SPATA2: variants seen among roughly 807,000 people sequenced by gnomAD.
SPATA2 encodes spermatogenesis associated 2, also known as spermatogenesis-associated protein 2.
A neutral mutation model predicts 35.4 loss-of-function variants in SPATA2; 8 were observed. The observed-to-expected ratio is 0.23, with a 90% CI of 0.13 to 0.41. The LOEUF (loss-of-function observed/expected upper bound fraction) is 0.41. Ranked by LOEUF, SPATA2 falls within the 10% of genes least tolerant of loss-of-function variation. SPATA2 has a pLI of 1.00. For synonymous variants in SPATA2, 293 were observed against 300.9 expected (o/e 0.97, Z 0.27); for missense variants, 650 against 698.7 (o/e 0.93, Z 0.79).
rs1032829726 is a variant in SPATA2, at chr20:49,905,924, G to A, written c.1258C>T (p.His420Tyr). 3.1e-6 allele frequency: 5 copies of A among 1,611,684 alleles called. No homozygotes were observed. Among genetic ancestry groups the A allele is most frequent in the Non-Finnish European group, 4.2e-6 (5 of 1,179,998 alleles). Residue 420 changes from histidine to tyrosine, a missense_variant, in exon 3 of 3, where the codon CAT (histidine) becomes TAT (tyrosine). Physicochemically the swap from His to Tyr is moderately conservative, Grantham distance 83. Coordinates refer to ENST00000289431, the MANE Select transcript of SPATA2 (RefSeq NM_006038.4). ...PSAFPSKAST[H>Y]DSLAHGASLR... ...GATGCCCCGTGGGCCAGGCTGTCAT[G>A]AGTCGAGGCCTTGCTGGGGAAGGCG...
intron 1 of SPATA2, among the ~76,000 whole-genome samples, chr20:49,913,904 G>C (rs933833265): frequency 9.2e-5 from 14 of 151,896 alleles, no homozygotes; most frequent in Non-Finnish European, 1.9e-4. Context: ...CACTCTGCAA[G>C]AACAACAAAA....
intron 1 of SPATA2, chr20:49,913,749 G>A (rs746572050): frequency 2.6e-5 from 4 of 152,208 alleles, no homozygotes; most frequent in Non-Finnish European, 4.4e-5. Context: ...CAAGGGCCAA[G>A]GAAAGAGGCT....
At position 49,908,090 on chromosome 20, in the gene SPATA2, G is replaced by A. The variant is rs2090158966; in HGVS notation, c.336+65C>T. 2.0e-6 allele frequency: 3 copies of A among 1,472,056 alleles called. No individual in the cohort carries two copies. The African/African-American group carries it at 4.2e-5, about 21-fold the overall frequency. The allele number at this position is 1,472,056 out of a possible 1,614,324, so 91.2% of individuals were successfully genotyped here. On this transcript the variant is annotated intron_variant, in intron 2 of 2. Coordinates refer to ENST00000289431, the MANE Select transcript of SPATA2 (RefSeq NM_006038.4). Reference sequence around the variant, plus strand: ...GGGATCAGACTGGCATAGCCTCTCAGGAGGGACTGCCAGGGGCAGGAAGAG... The same window carrying A: ...GGGATCAGACTGGCATAGCCTCTCAAGAGGGACTGCCAGGGGCAGGAAGAG...
At position 49,906,304 on chromosome 20, in the gene SPATA2, CGGATGATCTCATCCTTGA is replaced by C; in HGVS notation, c.860_877del (p.Leu287_Ile292del). On this transcript the variant is annotated inframe_deletion, in exon 3 of 3. Coordinates refer to ENST00000289431, the MANE Select transcript of SPATA2 (RefSeq NM_006038.4). This position sits in a 1 kb window ranked among gnomAD's most constrained non-coding sequence, Gnocchi z 8.2. ...CATGGTCAGCAGCGAAGGGGATGGG[CGGATGATCTCATCCTTGA>C]GGTCGTCCCCCACATCCGTTGCCAC... The C allele has an allele frequency of 1.3e-6, 2 of 1,590,356 alleles. No homozygotes were observed. The highest frequency in any genetic ancestry group is 1.7e-6 in the Non-Finnish European group (2 of 1,167,052).
Position 49,905,534 on chromosome 20 carries a change from G to T in SPATA2, c.*85C>A. ...TGGTCAAGTGCAGGCCTCCGCCTCT[G>T]AGATCAATGCGTTAGTACTTCTTCA... On this transcript the variant is annotated 3_prime_UTR_variant, in exon 3 of 3. Transcript: ENST00000289431. 1 of 1,484,322 alleles carries T rather than the reference G, an allele frequency of 6.7e-7. No individual in the cohort carries two copies. Among genetic ancestry groups the T allele is most frequent in the Non-Finnish European group, 9.2e-7 (1 of 1,087,186 alleles). The allele number at this position is 1,484,322 out of a possible 1,614,324, so 91.9% of individuals were successfully genotyped here. A position where few individuals can be genotyped will look rare whatever the true frequency, so the allele number is the denominator to read the frequency against.
At chr20:49,912,694 C>T (rs746473705) in intron 1 of SPATA2, among the ~76,000 whole-genome samples, 26 of 152,102 alleles carry the variant, frequency 1.7e-4, no homozygotes, top group African/African-American at 2.4e-5. Context: ...CTCGGCTCAG[C>T]GTCTGCTGCT....
At position 49,906,837 on chromosome 20, in the gene SPATA2, C is replaced by T. The variant is rs768307240; in HGVS notation, c.345G>A (p.Thr115=). 4.5e-5 allele frequency: 72 copies of T among 1,608,170 alleles called. No homozygotes were observed. Among genetic ancestry groups the T allele is most frequent in the Admixed American group, 1.3e-4 (8 of 59,680 alleles). The part of the protein sequence containing the change: ...KKEFRSIKTY[T]GPFVYYVKST... ...ACTTGACATAATAAACAAAAGGGCCCGTGTAGGTCTAGAAGGGAGGGAGTA... is the reference window on the plus strand; with the variant it reads ...ACTTGACATAATAAACAAAAGGGCCTGTGTAGGTCTAGAAGGGAGGGAGTA... Residue 115 remains threonine, a synonymous_variant, in exon 3 of 3, where the codon ACG becomes ACA. Coordinates refer to ENST00000289431, the MANE Select transcript of SPATA2 (RefSeq NM_006038.4). The surrounding 1 kb of genome is among the most constrained non-coding windows in gnomAD (Gnocchi z 8.2).
Position 49,906,107 on chromosome 20 carries a change from G to T in SPATA2, c.1075C>A (p.Leu359Met). 6.2e-7 allele frequency: 1 copy of T among 1,612,050 alleles called. No individual in the cohort carries two copies. Residue 359 changes from leucine (L) to methionine (M), a missense_variant, in exon 3 of 3, where the codon CTG becomes ATG. Physicochemically the swap from Leu to Met is conservative, Grantham distance 15 (BLOSUM62 2). Coordinates refer to ENST00000289431, the MANE Select transcript of SPATA2 (RefSeq NM_006038.4). This position sits in a 1 kb window ranked among gnomAD's most constrained non-coding sequence, Gnocchi z 8.2. ...AGGGAGTGGGCATCGTTTCTGAGCA[G>T]CCACACATCCGGCCGCAGAGCATCC... The part of the protein sequence containing the change: ...RQDALRPDVW[L>M]LRNDAHSLYH...
Position 49,908,341 on chromosome 20 carries a change from G to A in SPATA2, c.150C>T (p.Leu50=). The A allele has an allele frequency of 6.2e-7, 1 of 1,614,280 alleles. No individual in the cohort carries two copies. Among genetic ancestry groups the A allele is most frequent in the Non-Finnish European group, 8.5e-7 (1 of 1,180,052 alleles). The stretch of plus-strand genomic sequence containing the variant: ...AAAAGGGATCCACCTTGTGCAGGCT[G>A]AGCAGGGTTGAGGCTGCCACCCGCA... ...ECLRVAASTL[L]SLHKVDPFYR... The change falls in exon 2 of 3, where the codon CTC becomes CTT. Residue 50 remains leucine (L), a synonymous_variant. Transcript: ENST00000289431.
intron 1 of SPATA2, among the ~76,000 whole-genome samples, chr20:49,914,101 A>T (rs531809687): frequency 1.7e-4 from 26 of 152,004 alleles, no homozygotes; most frequent in Non-Finnish European, 3.4e-4. Flanking sequence ...AGAGACAGGC[A>T]GGTGCCCAGA....
rs755477413 is a variant in SPATA2, at chr20:49,906,392, G to A, written c.790C>T (p.Arg264Trp). 25 of 1,613,626 alleles carry A rather than the reference G, an allele frequency of 1.5e-5. No homozygotes were observed. In the East Asian group the frequency reaches 2.0e-4, roughly 13 times the overall value. Residue 264 changes from arginine (R) to tryptophan (W), a missense_variant, in exon 3 of 3, where the codon CGG becomes TGG. Coordinates refer to ENST00000289431, the MANE Select transcript of SPATA2 (RefSeq NM_006038.4). The surrounding 1 kb of genome is among the most constrained non-coding windows in gnomAD (Gnocchi z 8.2). Reference protein sequence around the residue: ...VDAYDSYWESRKPPLKASLSL... With the variant: ...VDAYDSYWESWKPPLKASLSL... Reference sequence around the variant, plus strand: ...AATGAGGCCTTCAGGGGTGGCTTCCGGCTCTCCCAGTAGCTGTCATAGGCA... The same window carrying A: ...AATGAGGCCTTCAGGGGTGGCTTCCAGCTCTCCCAGTAGCTGTCATAGGCA...
intron 1 of SPATA2, among the ~76,000 whole-genome samples, chr20:49,914,834 GC>G (rs1047503695): frequency 6.6e-6 from 1 of 152,086 alleles, no homozygotes; most frequent in Non-Finnish European, 1.5e-5. Context: ...TCAAATTCTG[GC>G]CCCCCCTACG....
At position 49,903,938 on chromosome 20, in the gene SPATA2, TATATATATATATATTA is replaced by T. The variant is rs2090124409; in HGVS notation, c.*1665_*1680del. 1 of 60,272 alleles carries T rather than the reference TATATATATATATATTA, an allele frequency of 1.7e-5. No individual in the cohort carries two copies. The highest frequency in any genetic ancestry group is 5.1e-5 in the African/African-American group (1 of 19,646). The allele number at this position is 60,272 out of a possible 1,614,324, so 3.7% of individuals were successfully genotyped here. On this transcript the variant is annotated 3_prime_UTR_variant, in exon 3 of 3. Coordinates refer to ENST00000289431, the MANE Select transcript of SPATA2 (RefSeq NM_006038.4). Reference sequence around the variant, plus strand: ...ATATATATATATATATATATATATATATATATATATATATTAAAAAGAGAGCCATAGAAGATTTGGA... The same window carrying T: ...ATATATATATATATATATATATATATAAAAGAGAGCCATAGAAGATTTGGA...
intron 1 of SPATA2, among the ~76,000 whole-genome samples, chr20:49,912,381 G>A (rs905017261): frequency 5.9e-5 from 9 of 152,204 alleles, no homozygotes; most frequent in Admixed American, 2.6e-4. Context: ...AGGAGGGAGA[G>A]GTTGCAGTGA....
chr20:49,911,743 T>C (rs965618555), intron 1 of SPATA2, among the ~76,000 whole-genome samples: 1 of 152,030 alleles, frequency 6.6e-6, no homozygotes, highest in African/African-American at 2.4e-5. Flanking sequence ...GCATTCACGA[T>C]GCCATCACTT....
Position 49,905,846 on chromosome 20 carries a change from G to T in SPATA2, c.1336C>A (p.Leu446Ile). The stretch of plus-strand genomic sequence containing the variant: ...GTGGAGGGCTTGGATTTGGAGTGAA[G>T]GTGCGGGAGGCGGTCGAGGCCCTGA... ...QTQGLDRLPH[L>I]HSKSKPSTTP... Residue 446 changes from leucine (L) to isoleucine (I), a missense_variant, in exon 3 of 3, where the codon CTT (leucine) becomes ATT (isoleucine). By Grantham distance (5) the Leu-to-Ile change is conservative. Coordinates refer to ENST00000289431, the MANE Select transcript of SPATA2 (RefSeq NM_006038.4). 6.2e-7 allele frequency: 1 copy of T among 1,614,104 alleles called. No homozygotes were observed.
At position 49,906,149 on chromosome 20, in the gene SPATA2, C is replaced by A. The variant is rs751448155; in HGVS notation, c.1033G>T (p.Ala345Ser). 20 of 1,607,750 alleles carry A rather than the reference C, an allele frequency of 1.2e-5. No individual in the cohort carries two copies. Among genetic ancestry groups the A allele is most frequent in the Non-Finnish European group, 1.5e-5 (18 of 1,176,688 alleles). ...VDLYTDSEPRATYRRQDALRP... is the reference protein window; with the variant it reads ...VDLYTDSEPRSTYRRQDALRP... Reference sequence around the variant, plus strand: ...AGAGCATCCTGCCGACGGTAGGTGGCCCTGGGTTCAGAGTCTGTGTACAGA... The same window carrying A: ...AGAGCATCCTGCCGACGGTAGGTGGACCTGGGTTCAGAGTCTGTGTACAGA... The change falls in exon 3 of 3, where the codon GCC becomes TCC. Residue 345 changes from alanine to serine, a missense_variant. Transcript: ENST00000289431. This position sits in a 1 kb window ranked among gnomAD's most constrained non-coding sequence, Gnocchi z 8.2.
intron 1 of SPATA2, among the ~76,000 whole-genome samples, chr20:49,914,030 GA>G (rs76188301): frequency 0.014 from 2,023 of 142,522 alleles, 43 homozygotes; most frequent in African/African-American, 0.045. Flanking sequence ...CAGTCTGGTG[GA>G]AAAAAAAAAA....
chr20:49,908,724 T>C, intron 1 of SPATA2, 132 bp from the exon 2 acceptor site: 1 of 526,182 alleles, frequency 1.9e-6, no homozygotes, highest in Non-Finnish European at 3.4e-6. Context: ...ACAGAGCATG[T>C]ACTACAAGCA....
Sources: gnomAD v4.1 joint callset for allele counts (sites outside exome capture counted in the v4.1 genomes callset) on GRCh38, gnomAD v4.1.1 for gene constraint, Gnocchi (gnomAD v3.1) non-coding constraint, MANE v1.5 for transcripts, NCBI Gene and HGNC (gene_info 2026-07-23, HGNC 2026-07-21) for gene names.